Variants in VPS13D observed in about 807,000 individuals in gnomAD.
VPS13D encodes intermembrane lipid transfer protein VPS13D.
VPS13D carries 187 observed loss-of-function variants against 461.9 expected under a neutral mutation model. That is an observed-to-expected ratio of 0.40 (90% CI 0.36 to 0.46). The LOEUF is 0.46. VPS13D is among the 20% of genes least tolerant of loss of function. The pLI, the probability that VPS13D is intolerant of heterozygous loss-of-function variation, is 0.60. For synonymous variants in VPS13D, 1,951 were observed against 1,986.3 expected, an observed-to-expected ratio of 0.98 and a Z score of 0.47; for missense variants, 4,711 against 5,364.9, an observed-to-expected ratio of 0.88 and a Z score of 3.81.
chr1:12,446,768 G>C (rs1645198021), intron 65 of VPS13D, among the ~76,000 whole-genome samples: 2 of 152,280 alleles, frequency 1.3e-5, no homozygotes, highest in South Asian at 4.1e-4. Context: ...TGGAAGAGGA[G>C]ACCTCTCCTC....
rs181046157 is a variant in VPS13D, at chr1:12,441,957, A to G, written c.12334-14041A>G. ...ACTTTATCTCCATTTGCCTTTTCCTATCTTTTTTGCTGTTATTGTCATGTA... is the reference window on the plus strand; with the variant it reads ...ACTTTATCTCCATTTGCCTTTTCCTGTCTTTTTTGCTGTTATTGTCATGTA... On this transcript the variant is annotated intron_variant, in intron 65 of 69. Transcript: ENST00000620676. 3.1e-4 allele frequency among the ~76,000 whole-genome samples: 47 copies of G among 152,038 alleles called. No homozygotes were observed. The East Asian group carries it at 4.2e-3, about 14-fold the overall frequency.
chr1:12,423,062 G>A (rs1332181975), intron 65 of VPS13D, among the ~76,000 whole-genome samples: 3 of 152,112 alleles, frequency 2.0e-5, no homozygotes, highest in Admixed American at 6.5e-5. Context: ...CGTCATTCTC[G>A]TGTTAGGTTG....
chr1:12,415,052 A>C, intron 63 of VPS13D, 35 bp from the exon 64 acceptor site: 1 of 1,611,482 alleles, frequency 6.2e-7, no homozygotes. Context: ...CCATCATATG[A>C]CTTAAGTATG....
chr1:12,406,898 A>G (rs1226387560), intron 63 of VPS13D, among the ~76,000 whole-genome samples: 2 of 152,200 alleles, frequency 1.3e-5, no homozygotes, highest in African/African-American at 2.4e-5. Context: ...TTAATTGAGC[A>G]ATCTAGTTTG....
chr1:12,453,930 G>A (rs1645294359), intron 65 of VPS13D: 1 of 152,136 alleles, frequency 6.6e-6, no homozygotes, highest in African/African-American at 2.4e-5. Flanking sequence ...AACTTACTTG[G>A]GAGGCTGGTG....
At chr1:12,434,821 A>G (rs1190312731) in intron 65 of VPS13D, among the ~76,000 whole-genome samples, 1 of 152,246 alleles carries the variant, frequency 6.6e-6, no homozygotes. Flanking sequence ...AATCCTAGGA[A>G]ATTCCAATCA....
intron 68 of VPS13D, among the ~76,000 whole-genome samples, chr1:12,503,457 T>C (rs1646061493): frequency 6.6e-6 from 1 of 152,146 alleles, no homozygotes; most frequent in Non-Finnish European, 1.5e-5. Context: ...GTGCTGGGAT[T>C]ATAGGTGGGA....
chr1:12,433,385 G>A, intron 65 of VPS13D, among the ~76,000 whole-genome samples: 1 of 152,158 alleles, frequency 6.6e-6, no homozygotes, highest in East Asian at 1.9e-4. Flanking sequence ...CCATCTCAGA[G>A]CCCTCACTTG....
chr1:12,441,425 A>G (rs1267847772), intron 65 of VPS13D, among the ~76,000 whole-genome samples: 1 of 152,156 alleles, frequency 6.6e-6, no homozygotes, highest in Non-Finnish European at 1.5e-5. Flanking sequence ...TCAGCATTGT[A>G]TGCAGCACCC....
intron 58 of VPS13D, 121 bp downstream of exon 58, chr1:12,383,276 TC>T: frequency 9.4e-7 from 1 of 1,059,998 alleles, no homozygotes; most frequent in Non-Finnish European, 1.3e-6. Flanking sequence ...GGTATCTTCA[TC>T]TGTAAAATGG....
intron 26 of VPS13D, among the ~76,000 whole-genome samples, chr1:12,308,165 A>G (rs772991256): frequency 3.3e-5 from 5 of 152,126 alleles, no homozygotes; most frequent in Non-Finnish European, 7.4e-5. Context: ...GGCATGAGAC[A>G]CCGTAGAACT....
At chr1:12,243,602 G>T (rs530182821) in intron 3 of VPS13D, among the ~76,000 whole-genome samples, 1 of 152,026 alleles carries the variant, frequency 6.6e-6, no homozygotes, top group Non-Finnish European at 1.5e-5. Flanking sequence ...GACCAGCCTG[G>T]GCAACACTGC....
Position 12,322,402 on chromosome 1 carries a change from A to G in VPS13D, c.7705-134A>G, listed in dbSNP as rs187488066. ...AGTGCTTACTTTCAAGATCTTTGCA[A>G]TCTTTTAAATGAGAAATTTGGTGCA... On this transcript the variant is annotated intron_variant, in intron 33 of 69. Coordinates refer to ENST00000620676, the MANE Select transcript of VPS13D (RefSeq NM_015378.4). The G allele has an allele frequency of 1.5e-3, 1,312 of 863,560 alleles. 5 individuals carry two copies. Among genetic ancestry groups the G allele is most frequent in the South Asian group, 3.4e-3 (194 of 56,742 alleles). The allele number at this position is 863,560 out of a possible 1,614,324, so 53.5% of individuals were successfully genotyped here. A position where few individuals can be genotyped will look rare whatever the true frequency, so the allele number is the denominator to read the frequency against.
chr1:12,239,410 A>G (rs1476258260), intron 2 of VPS13D, among the ~76,000 whole-genome samples: 1 of 152,234 alleles, frequency 6.6e-6, no homozygotes, highest in African/African-American at 2.4e-5. Context: ...AAGTTCTGGG[A>G]TTATAGGCGT....
chr1:12,246,207 G>T (rs1054982309), intron 5 of VPS13D, among the ~76,000 whole-genome samples: 2 of 152,208 alleles, frequency 1.3e-5, no homozygotes, highest in Non-Finnish European at 2.9e-5. Context: ...TCCGCTGGCA[G>T]TGATCAAAGT....
chr1:12,249,765 C>T (rs899142972), intron 6 of VPS13D, among the ~76,000 whole-genome samples: 3 of 152,116 alleles, frequency 2.0e-5, no homozygotes, highest in African/African-American at 7.2e-5. Flanking sequence ...TGTCTCAAAA[C>T]ACACTCTGTT....
intron 44 of VPS13D, among the ~76,000 whole-genome samples, chr1:12,347,274 A>C (rs2101586409): frequency 6.6e-6 from 1 of 152,028 alleles, no homozygotes; most frequent in Non-Finnish European, 1.5e-5. Flanking sequence ...GGGTTCAAGC[A>C]ATTCTCTTGC....
chr1:12,372,799 C>CT (rs1644138883), intron 54 of VPS13D, among the ~76,000 whole-genome samples: 1 of 145,152 alleles, frequency 6.9e-6, no homozygotes, highest in African/African-American at 2.6e-5. Flanking sequence ...TAATCCATTA[C>CT]CTTTTTTTTT....
intron 65 of VPS13D, among the ~76,000 whole-genome samples, chr1:12,454,375 C>T (rs970341977): frequency 1.3e-5 from 2 of 151,858 alleles, no homozygotes; most frequent in South Asian, 2.1e-4. Context: ...TCCAGTTGTC[C>T]TAAAGGAAGT....
Sources: gnomAD v4.1 joint callset for allele counts (sites outside exome capture counted in the v4.1 genomes callset) on GRCh38, gnomAD v4.1.1 for gene constraint, MANE v1.5 for transcripts, NCBI Gene and HGNC (gene_info 2026-07-23, HGNC 2026-07-21) for gene names.